NR3C2: variants seen among roughly 807,000 people sequenced by gnomAD.
NR3C2 encodes the protein nuclear receptor subfamily 3 group C member 2.
Under a neutral mutation model 86.4 loss-of-function variants are expected in NR3C2, and 15 were observed. The ratio of observed to expected loss-of-function variants is 0.17; its 90% CI spans 0.12 to 0.27. The LOEUF (loss-of-function observed/expected upper bound fraction) is 0.27. NR3C2 is among the 10% of genes least tolerant of loss of function. The probability of loss-of-function intolerance (pLI) is 1.00; values close to 1 mark genes in which losing one functional copy is unlikely to be tolerated. For missense variants in NR3C2, 960 were observed against 1,195.6 expected (o/e 0.80, Z 2.91); for synonymous variants, 458 against 450.5 (o/e 1.02, Z -0.21).
intron 2 of NR3C2, among the ~76,000 whole-genome samples, chr4:148,358,466 T>C (rs2150000392): frequency 1.1e-5 from 1 of 87,410 alleles, no homozygotes; most frequent in East Asian, 3.8e-4. Flanking sequence ...CTCTGGGGGC[T>C]GTGGTGGGGT....
At chr4:148,145,679 G>C (rs1286553704) in intron 6 of NR3C2, among the ~76,000 whole-genome samples, 1 of 152,190 alleles carries the variant, frequency 6.6e-6, no homozygotes, top group African/African-American at 2.4e-5. Context: ...CTGCAGGGGG[G>C]TGCTGCTTTC....
chr4:148,102,687 C>T (rs1405309037), intron 8 of NR3C2, among the ~76,000 whole-genome samples: 3 of 152,214 alleles, frequency 2.0e-5, no homozygotes, highest in Non-Finnish European at 4.4e-5. Context: ...ACGCTGCCTC[C>T]TGCCCCTCCT....
chr4:148,384,719 T>C (rs1383573778), intron 2 of NR3C2, among the ~76,000 whole-genome samples: 3 of 152,172 alleles, frequency 2.0e-5, no homozygotes, highest in South Asian at 2.1e-4. Flanking sequence ...CTTCATAAAA[T>C]ACAATATAAA....
In NR3C2 at chr4:148,436,428, T is replaced by A. The variant is rs554460855; in HGVS notation, c.433A>T (p.Lys145Ter). 6.2e-7 allele frequency: 1 copy of A among 1,614,198 alleles called. No homozygotes were observed. The highest frequency in any genetic ancestry group is 1.1e-5 in the South Asian group (1 of 91,080). ...QNVEQLVKFY[K>*]GNGHRPSTLS... ...GTGGAAGGACGATGGCCATTTCCTT[T>A]GTAAAATTTCACCAGCTGTTCAACA... The change falls in exon 2 of 9, where the codon AAA becomes TAA. Residue 145 changes from lysine (K) to a stop codon, truncating the protein, a stop_gained. Coordinates refer to ENST00000358102, the MANE Select transcript of NR3C2 (RefSeq NM_000901.5). LOFTEE classifies it high-confidence loss of function.
intron 2 of NR3C2, among the ~76,000 whole-genome samples, chr4:148,400,703 G>A (rs1184245409): frequency 6.8e-6 from 1 of 147,572 alleles, no homozygotes; most frequent in African/African-American, 2.5e-5. Flanking sequence ...GCATGAACCT[G>A]GGAGGCGGAG....
chr4:148,400,895 A>C (rs1241804098), intron 2 of NR3C2, among the ~76,000 whole-genome samples: 1 of 152,118 alleles, frequency 6.6e-6, no homozygotes, highest in African/African-American at 2.4e-5. Context: ...GATTTGGGGA[A>C]TCTCCATCCC....
intron 2 of NR3C2, among the ~76,000 whole-genome samples, chr4:148,408,933 AT>A (rs1251631404): frequency 6.6e-6 from 1 of 152,152 alleles, no homozygotes; most frequent in Non-Finnish European, 1.5e-5. Context: ...TATTAGAAAT[AT>A]TTAAAACATC....
At chr4:148,083,203 C>A (rs1358409693) in intron 8 of NR3C2, among the ~76,000 whole-genome samples, 1 of 152,230 alleles carries the variant, frequency 6.6e-6, no homozygotes. Context: ...CAGTGGTTCT[C>A]CCAACACAGC....
intron 2 of NR3C2, among the ~76,000 whole-genome samples, chr4:148,288,838 G>A (rs1374663332): frequency 6.6e-6 from 1 of 152,100 alleles, no homozygotes; most frequent in Non-Finnish European, 1.5e-5. Context: ...TCAGTGTTAT[G>A]CCCCCTGCTT....
intron 8 of NR3C2, among the ~76,000 whole-genome samples, chr4:148,082,951 G>C (rs1444124515): frequency 6.6e-6 from 1 of 151,962 alleles, no homozygotes; most frequent in African/African-American, 2.4e-5. Context: ...AGTGTAAACA[G>C]AGCCACCGGG....
chr4:148,300,416 G>C (rs1477528890), intron 2 of NR3C2, among the ~76,000 whole-genome samples: 2 of 152,152 alleles, frequency 1.3e-5, no homozygotes, highest in African/African-American at 4.8e-5. Flanking sequence ...CAGGTAGAAA[G>C]GGATTTAAAA....
At chr4:148,255,306 T>C (rs72728439) in intron 3 of NR3C2, among the ~76,000 whole-genome samples, 27,060 of 152,200 alleles carry the variant, frequency 0.18, 2,675 homozygotes, top group Admixed American at 0.22. Flanking sequence ...GAATACACAA[T>C]CATAAATTTA....
chr4:148,272,478 G>A (rs1323570509), intron 2 of NR3C2, among the ~76,000 whole-genome samples: 1 of 152,166 alleles, frequency 6.6e-6, no homozygotes, highest in Non-Finnish European at 1.5e-5. Context: ...GTGTATAAGT[G>A]TGTGAAAGGA....
intron 2 of NR3C2, among the ~76,000 whole-genome samples, chr4:148,349,616 T>A (rs976707412): frequency 2.8e-5 from 4 of 143,580 alleles, no homozygotes; most frequent in African/African-American, 1.0e-4. Context: ...AATTCTCTCC[T>A]TTCTGCAAAG....
Position 148,088,458 on chromosome 4 carries a change from A to G in NR3C2, c.2800-6959T>C, listed in dbSNP as rs543684185. On this transcript the variant is annotated intron_variant, in intron 8 of 8. Transcript: ENST00000358102. ...CTGTTCAAAATAGCAAAGACTTGGA[A>G]CCAACCCAAATCCCCATCAGTGATA... Among the ~76,000 whole-genome samples, 165 of 152,322 alleles carry G rather than the reference A, an allele frequency of 1.1e-3. 4 individuals carry two copies. The highest frequency in any genetic ancestry group is 3.4e-3 in the Middle Eastern group (1 of 294).
At chr4:148,255,433 T>C (rs531257370) in intron 3 of NR3C2, among the ~76,000 whole-genome samples, 1 of 152,362 alleles carries the variant, frequency 6.6e-6, no homozygotes, top group African/African-American at 2.4e-5. Context: ...GATTAACTTG[T>C]AATTGTATCT....
chr4:148,122,731 T>C (rs1335428377), intron 6 of NR3C2, among the ~76,000 whole-genome samples: 1 of 152,214 alleles, frequency 6.6e-6, no homozygotes, highest in Admixed American at 6.5e-5. Context: ...CATTTATCAG[T>C]TCCCAAACAC....
intron 2 of NR3C2, among the ~76,000 whole-genome samples, chr4:148,362,871 C>A (rs1745908055): frequency 6.6e-6 from 1 of 152,012 alleles, no homozygotes; most frequent in Non-Finnish European, 1.5e-5. Context: ...CGACTTAGGC[C>A]CTCCTCTATG....
chr4:148,329,908 T>C (rs528188490), intron 2 of NR3C2, among the ~76,000 whole-genome samples: 50 of 152,326 alleles, frequency 3.3e-4, no homozygotes, highest in African/African-American at 1.2e-3. Flanking sequence ...CACAAGTAGG[T>C]GTTGAATGGG....
Sources: gnomAD v4.1 joint callset for allele counts (sites outside exome capture counted in the v4.1 genomes callset) on GRCh38, gnomAD v4.1.1 for gene constraint, MANE v1.5 for transcripts, NCBI Gene and HGNC (gene_info 2026-07-23, HGNC 2026-07-21) for gene names.